FAAH2: variants seen among roughly 807,000 people sequenced by gnomAD.
The protein encoded by FAAH2 is fatty-acid amide hydrolase 2.
FAAH2 carries 60 observed loss-of-function variants against 36.9 expected under a neutral mutation model. The ratio of observed to expected loss-of-function variants is 1.63; its 90% CI spans 1.32 to 2.02. The LOEUF is 2.02. Among genes scored for constraint, FAAH2 ranks in the 30% most tolerant of loss-of-function variants. The pLI is 0.00. For synonymous variants in FAAH2, 214 were observed against 143.8 expected, an observed-to-expected ratio of 1.49 and a Z score of -3.49; for missense variants, 689 against 397.5, an observed-to-expected ratio of 1.73 and a Z score of -6.23.
At chrX:57,466,762 C>A (rs2057058569) in intron 10 of FAAH2, among the ~76,000 whole-genome samples, 1 of 111,413 alleles carries the variant, frequency 9.0e-6, no homozygotes. Flanking sequence ...AGTATATACA[C>A]AAGGCTTCTA....
chrX:57,201,459 C>T, the FAAH2 span, among the ~76,000 whole-genome samples: 3 of 110,508 alleles, frequency 2.7e-5, no homozygotes, highest in Non-Finnish European at 5.7e-5. Flanking sequence ...CTGTCTGCTG[C>T]TACACACATT....
At chrX:57,443,612 C>T (rs2056611085) in intron 8 of FAAH2, among the ~76,000 whole-genome samples, 1 of 112,116 alleles carries the variant, frequency 8.9e-6, no homozygotes, top group South Asian at 3.7e-4. Flanking sequence ...CTTCTCTCAA[C>T]TCATCAAAGT....
At chrX:57,261,167 T>A in the FAAH2 span, among the ~76,000 whole-genome samples, 1 of 111,353 alleles carries the variant, frequency 9.0e-6, no homozygotes. Flanking sequence ...ATCAATAAAT[T>A]TTCGTAGACC....
chrX:57,259,682 A>T, the FAAH2 span, among the ~76,000 whole-genome samples: 3 of 112,163 alleles, frequency 2.7e-5, no homozygotes, highest in Non-Finnish European at 5.6e-5. Context: ...ATCTTAAGTT[A>T]TCTCATTCCC....
At chrX:57,247,123 T>C in the FAAH2 span, among the ~76,000 whole-genome samples, 2 of 111,776 alleles carry the variant, frequency 1.8e-5, no homozygotes, top group African/African-American at 6.5e-5. Context: ...GCTTGACATA[T>C]AGTTTGTAAT....
At chrX:57,445,915 T>C (rs1601317) in intron 8 of FAAH2, among the ~76,000 whole-genome samples, 60,165 of 111,145 alleles carry the variant, frequency 0.54, 14,377 homozygotes, top group Non-Finnish European at 0.75. Flanking sequence ...GTCCTTGAGG[T>C]CTGATGGCCA....
chrX:57,167,234 C>G, the FAAH2 span, among the ~76,000 whole-genome samples: 1 of 111,236 alleles, frequency 9.0e-6, no homozygotes, highest in South Asian at 3.8e-4. Context: ...ACAAAACGGC[C>G]CCATTTTCCT....
intron 3 of FAAH2, among the ~76,000 whole-genome samples, chrX:57,323,383 G>C (rs184873440): frequency 9.0e-6 from 1 of 111,476 alleles, no homozygotes. Context: ...GGTATTTCTA[G>C]TTCTAGATCC....
At chrX:57,320,998 G>A (rs1443899779) in intron 3 of FAAH2, among the ~76,000 whole-genome samples, 2 of 110,226 alleles carry the variant, frequency 1.8e-5, no homozygotes, top group Non-Finnish European at 3.8e-5. Flanking sequence ...AAATTAGCTG[G>A]GTGTGGTGGT....
At chrX:57,233,627 C>T in the FAAH2 span, among the ~76,000 whole-genome samples, 1 of 111,117 alleles carries the variant, frequency 9.0e-6, no homozygotes, top group Non-Finnish European at 1.9e-5. Context: ...TGACAGCTTC[C>T]TTTTTGTTTT....
chrX:57,229,907 G>T, the FAAH2 span, among the ~76,000 whole-genome samples: 1 of 111,500 alleles, frequency 9.0e-6, no homozygotes, highest in Non-Finnish European at 1.9e-5. Flanking sequence ...CAATATCCCT[G>T]TAGATAAGAT....
chrX:57,274,186 T>C, the FAAH2 span, among the ~76,000 whole-genome samples: 1 of 111,838 alleles, frequency 8.9e-6, no homozygotes, highest in East Asian at 2.8e-4. Flanking sequence ...CCTGGACACA[T>C]ACACCCTCAC....
the FAAH2 span, among the ~76,000 whole-genome samples, chrX:57,269,952 T>C: frequency 2.7e-5 from 3 of 109,912 alleles, no homozygotes; most frequent in Non-Finnish European, 3.8e-5. Context: ...TTTAAAAAAA[T>C]AATAAAATAA....
At chrX:57,321,806 A>T (rs760509723) in intron 3 of FAAH2, among the ~76,000 whole-genome samples, 1 of 111,123 alleles carries the variant, frequency 9.0e-6, no homozygotes, top group East Asian at 2.8e-4. Flanking sequence ...TTACTTGGTT[A>T]TTATGCAGAT....
At chrX:57,139,622 T>G in the FAAH2 span, among the ~76,000 whole-genome samples, 1 of 110,745 alleles carries the variant, frequency 9.0e-6, no homozygotes, top group Non-Finnish European at 1.9e-5. Flanking sequence ...CTGGGCTAAT[T>G]TTTTTGTATT....
chrX:57,488,099 A>C (rs2057507722), intron 10 of FAAH2, among the ~76,000 whole-genome samples: 1 of 111,810 alleles, frequency 8.9e-6, no homozygotes, highest in African/African-American at 3.2e-5. Context: ...TAATTACTGG[A>C]TACTGGGGAT....
chrX:57,444,277 G>A lies in FAAH2; in HGVS notation c.1117-2651G>A, dbSNP rs183380513. On this transcript the variant is annotated intron_variant, in intron 8 of 10. Coordinates refer to ENST00000374900, the MANE Select transcript of FAAH2 (RefSeq NM_174912.4). ...TCTATCCAGTTTTAGCTTACCAGCC[G>A]TTTTGTTTACCTAGTCAAGCCTCAG... Among the ~76,000 whole-genome samples the A allele has an allele frequency of 4.4e-4, 49 of 112,150 alleles. No homozygotes were observed. In the East Asian group the frequency reaches 7.3e-3, roughly 17 times the overall value.
intron 5 of FAAH2, among the ~76,000 whole-genome samples, chrX:57,350,512 C>G (rs983402495): frequency 9.1e-6 from 1 of 110,124 alleles, no homozygotes; most frequent in Non-Finnish European, 1.9e-5. Flanking sequence ...CCTCAATTGT[C>G]AATAATAATT....
At chrX:57,402,808 C>T (rs1264059844) in intron 7 of FAAH2, among the ~76,000 whole-genome samples, 1 of 111,798 alleles carries the variant, frequency 8.9e-6, no homozygotes, top group Non-Finnish European at 1.9e-5. Flanking sequence ...ATTCTGCATC[C>T]CTCTGAGGGT....
Sources: allele counts gnomAD v4.1 joint callset (sites outside exome capture counted in the v4.1 genomes callset), GRCh38; gene constraint gnomAD v4.1.1; transcripts MANE v1.5; gene names NCBI Gene and HGNC (gene_info 2026-07-23, HGNC 2026-07-21).